Variants in ANAPC11 observed in about 807,000 individuals in gnomAD.
ANAPC11 encodes the protein anaphase promoting complex subunit 11.
ANAPC11 carries 5 observed loss-of-function variants against 11.8 expected under a neutral mutation model. The observed-to-expected ratio is 0.42, with a 90% CI of 0.22 to 0.89. The LOEUF (loss-of-function observed/expected upper bound fraction) is 0.89, where lower values mean the gene tolerates loss of function less well. Among genes scored for constraint, ANAPC11 ranks in the 40% least tolerant of loss-of-function variants. The pLI, the probability that ANAPC11 is intolerant of heterozygous loss-of-function variation, is 0.28. For missense variants in ANAPC11, 68 were observed against 112.9 expected, an observed-to-expected ratio of 0.60 and a Z score of 1.80; for synonymous variants, 45 against 41.0, an observed-to-expected ratio of 1.10 and a Z score of -0.38.
intron 3 of ANAPC11, among the ~76,000 whole-genome samples, chr17:81,895,618 G>A (rs2039715261): frequency 6.6e-6 from 1 of 152,046 alleles, no homozygotes; most frequent in African/African-American, 2.4e-5. Flanking sequence ...AGGCCGGCAC[G>A]GTGGCTCACA....
intron 3 of ANAPC11, 151 bp downstream of exon 3, chr17:81,894,737 G>C: frequency 6.7e-6 from 3 of 444,992 alleles, no homozygotes; most frequent in Non-Finnish European, 1.2e-5. Context: ...TTTTTTTTGA[G>C]ACCGAGTTTC....
At chr17:81,894,009 G>T (rs148130351) in intron 2 of ANAPC11, among the ~76,000 whole-genome samples, 3,667 of 151,668 alleles carry the variant, frequency 0.024, 142 homozygotes, top group African/African-American at 0.085. Context: ...CAGGGCATAG[G>T]GGTTCACGCC....
intron 2 of ANAPC11, chr17:81,894,219 C>T (rs902915635): frequency 7.6e-6 from 2 of 264,556 alleles, no homozygotes; most frequent in Non-Finnish European, 1.4e-5. Flanking sequence ...TGCACTACAG[C>T]CTGGGTGACA....
upstream of ANAPC11, chr17:81,891,699 G>C (rs935116498): frequency 7.0e-6 from 7 of 997,802 alleles, no homozygotes; most frequent in South Asian, 4.9e-5. Flanking sequence ...TGCGCGCGCG[G>C]GACGGGGTGA....
chr17:81,900,212 C>A lies in ANAPC11; in HGVS notation c.*147C>A. 7.8e-7 allele frequency: 1 copy of A among 1,283,292 alleles called. No individual in the cohort carries two copies. Among genetic ancestry groups the A allele is most frequent in the Non-Finnish European group, 1.1e-6 (1 of 935,930 alleles). 79.5% of individuals were successfully genotyped at this position (1,283,292 alleles called of 1,614,324 possible). On this transcript the variant is annotated 3_prime_UTR_variant, in exon 4 of 4. Transcript: ENST00000344877. ...TTGTTTTGCCATCACTATGTTGACA[C>A]TTTTATCCAATAAGTGAAAACTCAT...
intron 3 of ANAPC11, among the ~76,000 whole-genome samples, chr17:81,897,856 C>T (rs1169076935): frequency 1.3e-5 from 2 of 152,146 alleles, no homozygotes; most frequent in Non-Finnish European, 2.9e-5. Flanking sequence ...GTCTCAAACT[C>T]TTGGCTCTGT....
chr17:81,891,702 C>CG (rs915088924), upstream of ANAPC11: 20 of 913,410 alleles, frequency 2.2e-5, no homozygotes, highest in East Asian at 6.2e-5. Context: ...GCGCGCGGGA[C>CG]GGGGTGAGGC....
In ANAPC11 at chr17:81,900,027, T is replaced by C; in HGVS notation, c.217T>C (p.Cys73Arg). Reference sequence around the variant, plus strand: ...GCACGCACAGCAGGTGCAGCAGCACTGCCCCATGTGCCGCCAGGAATGGAA... The same window carrying C: ...GCACGCACAGCAGGTGCAGCAGCACCGCCCCATGTGCCGCCAGGAATGGAA... Reference protein sequence around the residue: ...WLHAQQVQQHCPMCRQEWKFK... With the variant: ...WLHAQQVQQHRPMCRQEWKFK... Residue 73 changes from cysteine to arginine, a missense_variant, in exon 4 of 4, where the codon TGC becomes CGC. Physicochemically the swap from Cys to Arg is radical, Grantham distance 180. Coordinates refer to ENST00000344877, the MANE Select transcript of ANAPC11 (RefSeq NM_001002248.3). The C allele has an allele frequency of 6.2e-7, 1 of 1,612,752 alleles. No individual in the cohort carries two copies.
At chr17:81,896,176 T>C (rs2039735080) in intron 3 of ANAPC11, among the ~76,000 whole-genome samples, 1 of 151,922 alleles carries the variant, frequency 6.6e-6, no homozygotes, top group African/African-American at 2.4e-5. Context: ...ATCCCAGCAC[T>C]TTGGGAGGCC....
At chr17:81,896,278 C>T (rs1442927990) in intron 3 of ANAPC11, among the ~76,000 whole-genome samples, 5 of 152,026 alleles carry the variant, frequency 3.3e-5, no homozygotes, top group African/African-American at 9.7e-5. Flanking sequence ...AAAAAGTAGC[C>T]GGGCATGGTG....
chr17:81,898,812 G>T, intron 3 of ANAPC11: 1 of 194,926 alleles, frequency 5.1e-6, no homozygotes, highest in Non-Finnish European at 1.1e-5. Flanking sequence ...GTGCATCTGC[G>T]GACTCATCAG....
intron 3 of ANAPC11, chr17:81,899,090 C>T (rs1302791566): frequency 3.8e-5 from 32 of 837,826 alleles, no homozygotes; most frequent in Non-Finnish European, 5.4e-5. Context: ...TCCAGCTCCA[C>T]AATGCCAGGC....
chr17:81,899,185 T>C (rs2039847796), intron 3 of ANAPC11: 1 of 1,544,252 alleles, frequency 6.5e-7, no homozygotes, highest in Admixed American at 1.7e-5. Flanking sequence ...CTCTTGGAGA[T>C]CAGGGACACT....
At chr17:81,891,079 G>A (rs982278497), upstream of ANAPC11, 5 of 666,948 alleles carry the variant, frequency 7.5e-6, no homozygotes, top group Non-Finnish European at 1.2e-5. Context: ...CCTGCCACGA[G>A]GCCCCAACGT....
rs766422017 is a variant in ANAPC11 at position 81,895,050 on chromosome 17, CTTTTT to C, written c.109+481_109+485del. On this transcript the variant is annotated intron_variant, in intron 3 of 3. Transcript: ENST00000344877. ...TTATTTTCTTTTCTTTCTTTCTTTT[CTTTTT>C]TTTTTTTTTTTTTTTTGAGATGGAG... Among the ~76,000 whole-genome samples, 231 of 85,062 alleles carry C rather than the reference CTTTTT, an allele frequency of 2.7e-3. 2 individuals carry two copies. Among genetic ancestry groups the C allele is most frequent in the African/African-American group, 1.0e-2 (195 of 19,568 alleles). 55.8% of individuals were successfully genotyped at this position (85,062 alleles called of 152,430 possible).
In ANAPC11 at chr17:81,899,963, C is replaced by T. The variant is rs149063288; in HGVS notation, c.153C>T (p.Cys51=). 2.2e-5 allele frequency: 35 copies of T among 1,612,778 alleles called. No homozygotes were observed. The highest frequency in any genetic ancestry group is 2.8e-5 in the Non-Finnish European group (33 of 1,179,808). ...GDDCPLVWGQ[C]SHCFHMHCIL... The stretch of plus-strand genomic sequence containing the variant: ...ACTGCCCGCTGGTGTGGGGCCAGTG[C>T]TCCCACTGCTTCCACATGCATTGCA... Residue 51 remains cysteine (C), a synonymous_variant, in exon 4 of 4, where the codon TGC becomes TGT. Coordinates refer to ENST00000344877, the MANE Select transcript of ANAPC11 (RefSeq NM_001002248.3).
At chr17:81,894,669 C>A in intron 3 of ANAPC11, 83 bp downstream of exon 3, 2 of 746,436 alleles carry the variant, frequency 2.7e-6, no homozygotes, top group Non-Finnish European at 4.2e-6. Context: ...GGACTAGCCT[C>A]AGTAGCTCCT....
chr17:81,894,264 AAAAAT>A (rs1453682665), intron 2 of ANAPC11, 198 bp from the exon 3 acceptor site: 2 of 373,678 alleles, frequency 5.4e-6, no homozygotes, highest in African/African-American at 4.2e-5. Flanking sequence ...AAAAATTAAT[AAAAAT>A]AAAAGTAAAA....
At chr17:81,898,167 C>T (rs1300638567) in intron 3 of ANAPC11, 2 of 152,222 alleles carry the variant, frequency 1.3e-5, no homozygotes, top group Non-Finnish European at 2.9e-5. Flanking sequence ...CGTGGGATGC[C>T]CTGAGGGCAG....
Sources: gnomAD v4.1 joint callset for allele counts (sites outside exome capture counted in the v4.1 genomes callset) on GRCh38, gnomAD v4.1.1 for gene constraint, MANE v1.5 for transcripts, NCBI Gene and HGNC (gene_info 2026-07-23, HGNC 2026-07-21) for gene names.